The following ZNF277 variants were observed in gnomAD, a reference collection of about 807,000 sequenced individuals.
ZNF277 encodes nuclear receptor-interacting factor 4.
Under a neutral mutation model 60.7 loss-of-function variants are expected in ZNF277, and 55 were observed. The ratio of observed to expected loss-of-function variants is 0.91; its 90% CI spans 0.73 to 1.13. ZNF277 has a LOEUF of 1.13. ZNF277 is among the 50% of genes most tolerant of loss of function. ZNF277 has a pLI of 0.00. For synonymous variants in ZNF277, 178 were observed against 179.3 expected (o/e 0.99, Z 0.06); for missense variants, 510 against 523.0 (o/e 0.98, Z 0.24).
intron 1 of ZNF277, among the ~76,000 whole-genome samples, chr7:112,275,059 G>C (rs1234853590): frequency 1.3e-5 from 2 of 152,212 alleles, no homozygotes; most frequent in East Asian, 3.9e-4. Context: ...GGTTATTCTG[G>C]TTAATTAGAT....
chr7:112,273,389 T>C (rs1791724421), intron 1 of ZNF277, among the ~76,000 whole-genome samples: 1 of 152,102 alleles, frequency 6.6e-6, no homozygotes, highest in Admixed American at 6.6e-5. Flanking sequence ...CCACCAAACA[T>C]ACAGATTCTC....
chr7:112,334,358 A>ACAG (rs1262656839), intron 7 of ZNF277, among the ~76,000 whole-genome samples: 2 of 147,348 alleles, frequency 1.4e-5, no homozygotes, highest in African/African-American at 2.5e-5. Context: ...CTTTCCTGAC[A>ACAG]TGATTCATTA....
At chr7:112,320,509 A>G (rs1459054710) in intron 5 of ZNF277, among the ~76,000 whole-genome samples, 1 of 152,148 alleles carries the variant, frequency 6.6e-6, no homozygotes, top group Non-Finnish European at 1.5e-5. Context: ...GGACATAAAT[A>G]TGGAATATTT....
chr7:112,230,036 C>A (rs1250736794), intron 1 of ZNF277, among the ~76,000 whole-genome samples: 1 of 139,450 alleles, frequency 7.2e-6, no homozygotes, highest in Non-Finnish European at 1.7e-5. Context: ...TATAAAGGAC[C>A]TTGTGGGCCA....
chr7:112,296,929 T>TTTTTA (rs1792364775), intron 4 of ZNF277, among the ~76,000 whole-genome samples: 1 of 89,072 alleles, frequency 1.1e-5, no homozygotes, highest in Non-Finnish European at 2.5e-5. Context: ...TTTTTTTTTT[T>TTTTTA]TTTTTTTTTT....
chr7:112,291,609 G>C (rs57771476), intron 2 of ZNF277, among the ~76,000 whole-genome samples: 4 of 152,018 alleles, frequency 2.6e-5, no homozygotes, highest in Non-Finnish European at 4.4e-5. Context: ...AATTTGAACA[G>C]TGTTCTAGTG....
chr7:112,327,666 G>A (rs1330412883), intron 5 of ZNF277, 51 bp from the exon 6 acceptor site: 2 of 1,426,450 alleles, frequency 1.4e-6, no homozygotes, highest in Non-Finnish European at 2.0e-6. Flanking sequence ...CAACCCAAAT[G>A]TGTTCTTAGA....
intron 4 of ZNF277, among the ~76,000 whole-genome samples, chr7:112,315,640 AG>A (rs1285531093): frequency 6.6e-6 from 1 of 152,186 alleles, no homozygotes; most frequent in African/African-American, 2.4e-5. Flanking sequence ...TTTCGAATAC[AG>A]AAAAACATGA....
intron 1 of ZNF277, among the ~76,000 whole-genome samples, chr7:112,247,916 C>A (rs964859777): frequency 2.7e-5 from 4 of 150,926 alleles, no homozygotes; most frequent in Admixed American, 6.6e-5. Context: ...CACAGTGAGC[C>A]AAGACCATGC....
chr7:112,324,252 A>G (rs1793050219), intron 5 of ZNF277, among the ~76,000 whole-genome samples: 1 of 152,240 alleles, frequency 6.6e-6, no homozygotes, highest in Non-Finnish European at 1.5e-5. Flanking sequence ...ACTGTACTTT[A>G]TAATAAAGGT....
At chr7:112,286,803 C>T in intron 1 of ZNF277, 70 bp from the exon 2 acceptor site, 2 of 1,301,232 alleles carry the variant, frequency 1.5e-6, no homozygotes, top group Non-Finnish European at 2.1e-6. Context: ...GGTGGGAAAT[C>T]ATCCATATGA....
intron 1 of ZNF277, among the ~76,000 whole-genome samples, chr7:112,284,293 T>C (rs1225923276): frequency 6.6e-6 from 1 of 152,246 alleles, no homozygotes; most frequent in Non-Finnish European, 1.5e-5. Flanking sequence ...AATTTCTGTA[T>C]ATCTCAATTA....
At chr7:112,302,172 T>G (rs1281633074) in intron 4 of ZNF277, among the ~76,000 whole-genome samples, 3 of 152,054 alleles carry the variant, frequency 2.0e-5, no homozygotes, top group Admixed American at 6.6e-5. Flanking sequence ...TACAAATATT[T>G]TATGAAAGTT....
chr7:112,303,568 G>A (rs1291710917), intron 4 of ZNF277, among the ~76,000 whole-genome samples: 1 of 151,898 alleles, frequency 6.6e-6, no homozygotes, highest in Non-Finnish European at 1.5e-5. Flanking sequence ...TAAAAGATGG[G>A]TATTTTGCAA....
At chr7:112,207,942 A>C (rs1055755487) in intron 1 of ZNF277, among the ~76,000 whole-genome samples, 1 of 152,106 alleles carries the variant, frequency 6.6e-6, no homozygotes, top group Non-Finnish European at 1.5e-5. Context: ...TGAATTTAAC[A>C]CCCTAATGGT....
intron 7 of ZNF277, among the ~76,000 whole-genome samples, chr7:112,333,674 A>G (rs957423760): frequency 6.6e-6 from 1 of 152,204 alleles, no homozygotes; most frequent in Non-Finnish European, 1.5e-5. Context: ...CAGCAAATTG[A>G]CAAGTTCCAT....
At chr7:112,235,070 T>C (rs185611938) in intron 1 of ZNF277, among the ~76,000 whole-genome samples, 13 of 152,180 alleles carry the variant, frequency 8.5e-5, no homozygotes, top group Admixed American at 8.5e-4. Flanking sequence ...TTTGCAAAAC[T>C]GATCAATCTT....
chr7:112,242,214 A>G (rs1021580271), intron 1 of ZNF277, among the ~76,000 whole-genome samples: 2 of 152,090 alleles, frequency 1.3e-5, no homozygotes, highest in Non-Finnish European at 2.9e-5. Flanking sequence ...AGCATCCTTC[A>G]TGATAAAAGC....
At chr7:112,221,003 C>A (rs996639342) in intron 1 of ZNF277, among the ~76,000 whole-genome samples, 3 of 152,106 alleles carry the variant, frequency 2.0e-5, no homozygotes. Flanking sequence ...TGTTACCGCT[C>A]GAGCTGAGCT....
Sources: gnomAD v4.1 joint callset for allele counts (sites outside exome capture counted in the v4.1 genomes callset) on GRCh38, gnomAD v4.1.1 for gene constraint, MANE v1.5 for transcripts, NCBI Gene and HGNC (gene_info 2026-07-23, HGNC 2026-07-21) for gene names.